THSD7B: variants seen among roughly 807,000 people sequenced by gnomAD.
THSD7B encodes thrombospondin type 1 domain containing 7B, also known as thrombospondin type-1 domain-containing protein 7B.
THSD7B carries 138 observed loss-of-function variants against 213.6 expected under a neutral mutation model. The observed-to-expected ratio is 0.65, with a 90% CI of 0.56 to 0.74. The LOEUF is 0.74. Ranked by LOEUF, THSD7B falls within the 30% of genes least tolerant of loss-of-function variation. The probability of loss-of-function intolerance (pLI) is 0.00; values close to 1 mark genes in which losing one functional copy is unlikely to be tolerated. For synonymous variants in THSD7B, 742 were observed against 687.0 expected, an observed-to-expected ratio of 1.08 and a Z score of -1.25; for missense variants, 1,931 against 1,991.5, an observed-to-expected ratio of 0.97 and a Z score of 0.58.
intron 17 of THSD7B, among the ~76,000 whole-genome samples, chr2:137,581,717 G>A (rs1045539089): frequency 3.6e-4 from 53 of 146,736 alleles, no homozygotes; most frequent in Non-Finnish European, 6.3e-4. Context: ...CCGAGATCCC[G>A]CCACTGCACT....
At chr2:137,045,892 T>G (rs948158068) in intron 2 of THSD7B, among the ~76,000 whole-genome samples, 3 of 152,122 alleles carry the variant, frequency 2.0e-5, no homozygotes, top group Admixed American at 2.0e-4. Context: ...CAAAAGGATT[T>G]GTGAAAAAAC....
chr2:137,531,185 C>T (rs1039220634), intron 15 of THSD7B, among the ~76,000 whole-genome samples: 1 of 151,940 alleles, frequency 6.6e-6, no homozygotes, highest in Non-Finnish European at 1.5e-5. Context: ...AAGGCACACA[C>T]GCTGCTTCCT....
At chr2:136,906,250 A>G (rs139207703) in intron 2 of THSD7B, among the ~76,000 whole-genome samples, 4 of 152,304 alleles carry the variant, frequency 2.6e-5, no homozygotes, top group African/African-American at 9.6e-5. Context: ...GATATTCTTT[A>G]TGAGAGCTTC....
At chr2:137,556,750 A>G (rs1037616800) in intron 15 of THSD7B, among the ~76,000 whole-genome samples, 1 of 152,156 alleles carries the variant, frequency 6.6e-6, no homozygotes, top group Non-Finnish European at 1.5e-5. Context: ...CAGACTGGCA[A>G]ATTAGATAGA....
chr2:137,458,802 A>C (rs1416538889), intron 15 of THSD7B, among the ~76,000 whole-genome samples: 1 of 152,150 alleles, frequency 6.6e-6, no homozygotes. Context: ...CTTCTTGTAA[A>C]GTGCTTTTAT....
chr2:137,094,059 G>A (rs540667265), intron 3 of THSD7B, among the ~76,000 whole-genome samples: 5 of 152,260 alleles, frequency 3.3e-5, no homozygotes, highest in Admixed American at 1.3e-4. Flanking sequence ...TTACCACAAT[G>A]GATAGGTGAA....
chr2:137,291,138 C>T lies in THSD7B; in HGVS notation c.2500+15112C>T, dbSNP rs114531184. 3.3e-3 allele frequency among the ~76,000 whole-genome samples: 495 copies of T among 152,276 alleles called. 3 individuals are homozygous for T. The highest frequency in any genetic ancestry group is 0.012 in the African/African-American group (479 of 41,564). On this transcript the variant is annotated intron_variant, in intron 12 of 27. Transcript: ENST00000409968. ...TTGACCAGGCATTACCCATAATCTA[C>T]AAACGCTCATCAGCTCTTGCTTTCT...
chr2:137,150,307 G>A (rs1323349020), intron 5 of THSD7B, among the ~76,000 whole-genome samples: 1 of 151,634 alleles, frequency 6.6e-6, no homozygotes, highest in Non-Finnish European at 1.5e-5. Context: ...GGAGGGGCCA[G>A]GGGCAGAATG....
chr2:137,307,732 C>T (rs1034453059), intron 12 of THSD7B, among the ~76,000 whole-genome samples: 4 of 152,100 alleles, frequency 2.6e-5, no homozygotes, highest in African/African-American at 9.7e-5. Flanking sequence ...AATTTGGACA[C>T]AGGCATAAAT....
chr2:137,571,157 T>G (rs1236337707), intron 16 of THSD7B, among the ~76,000 whole-genome samples: 2 of 152,190 alleles, frequency 1.3e-5, no homozygotes, highest in African/African-American at 4.8e-5. Flanking sequence ...TTTTCTGACT[T>G]CTGACACCCT....
At chr2:137,368,923 T>C (rs1317905086) in intron 12 of THSD7B, among the ~76,000 whole-genome samples, 1 of 152,012 alleles carries the variant, frequency 6.6e-6, no homozygotes, top group African/African-American at 2.4e-5. Context: ...CTGCTTGGAA[T>C]TTCTTGGACT....
chr2:137,546,377 A>ATATATATATAATATATAT (rs1680714058), intron 15 of THSD7B, among the ~76,000 whole-genome samples: 1 of 43,194 alleles, frequency 2.3e-5, no homozygotes, highest in East Asian at 5.8e-4. Flanking sequence ...TATATATATA[A>ATATATATATAATATATAT]TATATATATT....
intron 14 of THSD7B, among the ~76,000 whole-genome samples, chr2:137,446,469 G>A (rs1466965146): frequency 6.6e-6 from 1 of 152,006 alleles, no homozygotes; most frequent in African/African-American, 2.4e-5. Flanking sequence ...ACCACTGGTT[G>A]TAACATCGAT....
intron 12 of THSD7B, among the ~76,000 whole-genome samples, chr2:137,378,739 C>T (rs972992587): frequency 1.3e-5 from 2 of 152,080 alleles, no homozygotes; most frequent in Non-Finnish European, 2.9e-5. Context: ...TGATTCCCAC[C>T]TCCCCCAACC....
intron 14 of THSD7B, among the ~76,000 whole-genome samples, chr2:137,417,569 A>T (rs1686826517): frequency 6.6e-6 from 1 of 152,016 alleles, no homozygotes; most frequent in Non-Finnish European, 1.5e-5. Context: ...CCTCCTGAGT[A>T]TCTAGGACTA....
chr2:137,282,965 G>C (rs1042547616), intron 12 of THSD7B, among the ~76,000 whole-genome samples: 14 of 152,082 alleles, frequency 9.2e-5, no homozygotes, highest in Admixed American at 6.6e-5. Flanking sequence ...GCTTGATGGG[G>C]ATGGCATTGA....
intron 15 of THSD7B, among the ~76,000 whole-genome samples, chr2:137,461,029 G>A (rs1340999165): frequency 6.6e-6 from 1 of 151,978 alleles, no homozygotes; most frequent in Non-Finnish European, 1.5e-5. Flanking sequence ...GTTACATGTA[G>A]CAATATTTTG....
chr2:137,415,498 T>C (rs1254980799), intron 14 of THSD7B, among the ~76,000 whole-genome samples: 2 of 152,102 alleles, frequency 1.3e-5, no homozygotes, highest in African/African-American at 4.8e-5. Context: ...CCCTATTGGC[T>C]CTTAATGAGT....
At chr2:136,856,356 G>T (rs1314185801) in intron 1 of THSD7B, among the ~76,000 whole-genome samples, 1 of 152,122 alleles carries the variant, frequency 6.6e-6, no homozygotes, top group African/African-American at 2.4e-5. Flanking sequence ...GTGCTTGTTT[G>T]TTATGTTTCA....
Sources: gnomAD v4.1 joint callset for allele counts (sites outside exome capture counted in the v4.1 genomes callset) on GRCh38, gnomAD v4.1.1 for gene constraint, MANE v1.5 for transcripts, NCBI Gene and HGNC (gene_info 2026-07-23, HGNC 2026-07-21) for gene names.